The following ZNF845 variants were observed in gnomAD, a reference collection of about 807,000 sequenced individuals.
The protein encoded by ZNF845 is zinc finger protein 845.
ZNF845 carries 59 observed loss-of-function variants against 76.1 expected under a neutral mutation model. That is an observed-to-expected ratio of 0.78 (90% CI 0.63 to 0.96). The LOEUF (loss-of-function observed/expected upper bound fraction) is 0.96. Ranked by LOEUF, ZNF845 falls within the 40% of genes least tolerant of loss-of-function variation. ZNF845 has a pLI of 0.00. For missense variants in ZNF845, 1,045 were observed against 1,172.8 expected (o/e 0.89, Z 1.59); for synonymous variants, 361 against 386.9 (o/e 0.93, Z 0.78).
chr19:53,343,495 TC>T (rs1238427846), intron 2 of ZNF845, among the ~76,000 whole-genome samples: 1 of 152,036 alleles, frequency 6.6e-6, no homozygotes, highest in African/African-American at 2.4e-5. Flanking sequence ...CTGACAAGAT[TC>T]CCCCCTGCCC....
intron 2 of ZNF845, among the ~76,000 whole-genome samples, chr19:53,343,044 C>T (rs2085267895): frequency 6.6e-6 from 1 of 152,044 alleles, no homozygotes; most frequent in South Asian, 2.1e-4. Flanking sequence ...GTCTTGAACT[C>T]CTGACCTCAG....
At chr19:53,344,543 GA>G (rs989377594) in intron 2 of ZNF845, among the ~76,000 whole-genome samples, 4 of 148,466 alleles carry the variant, frequency 2.7e-5, no homozygotes, top group East Asian at 3.9e-4. Context: ...GTCTCAAAAA[GA>G]AAAAAAAAGT....
At chr19:53,334,736 C>CA (rs1555821212) in intron 1 of ZNF845, among the ~76,000 whole-genome samples, 20 of 114,222 alleles carry the variant, frequency 1.8e-4, no homozygotes, top group Admixed American at 1.4e-3. Context: ...CCCCCCCCCC[C>CA]ATCTCTGTCA....
At chr19:53,347,277 T>C (rs1180608175) in intron 3 of ZNF845, among the ~76,000 whole-genome samples, 1 of 147,764 alleles carries the variant, frequency 6.8e-6, no homozygotes, top group Non-Finnish European at 1.5e-5. Context: ...CTTTCTTTCT[T>C]TTTTTTTTTT....
chr19:53,338,071 A>G (rs1019089869), intron 1 of ZNF845, among the ~76,000 whole-genome samples: 1 of 152,032 alleles, frequency 6.6e-6, no homozygotes, highest in African/African-American at 2.4e-5. Context: ...CACAGTTCCC[A>G]TCTTGGCCAC....
At chr19:53,345,333 G>T (rs909752664) in intron 2 of ZNF845, among the ~76,000 whole-genome samples, 173 bp from the exon 3 acceptor site, 2 of 150,686 alleles carry the variant, frequency 1.3e-5, no homozygotes, top group African/African-American at 4.9e-5. Context: ...AAAAAAAAAA[G>T]AAGTGTAATA....
rs2085363308 is a variant in ZNF845 at position 53,353,664 on chromosome 19, A to G, written c.*76A>G. ...ACAGGAGAATTCATACTGGAGAGAA[A>G]GCTTACAAATGTAAGAGTTTGTGAC... On this transcript the variant is annotated 3_prime_UTR_variant, in exon 4 of 4. Coordinates refer to ENST00000458035, the MANE Select transcript of ZNF845 (RefSeq NM_138374.3). 10 of 1,520,804 alleles carry G rather than the reference A, an allele frequency of 6.6e-6. No individual in the cohort carries two copies. Among genetic ancestry groups the G allele is most frequent in the Non-Finnish European group, 7.9e-6 (9 of 1,138,152 alleles). 94.2% of individuals were successfully genotyped at this position (1,520,804 alleles called of 1,614,324 possible). A position where few individuals can be genotyped will look rare whatever the true frequency, so the allele number is the denominator to read the frequency against.
chr19:53,342,946 G>A (rs2147035596), intron 2 of ZNF845, among the ~76,000 whole-genome samples: 1 of 152,196 alleles, frequency 6.6e-6, no homozygotes, highest in Middle Eastern at 3.4e-3. Context: ...AGCGTCCCGA[G>A]TAGGTGACAT....
rs1210463285 is a variant in ZNF845 at position 53,333,756 on chromosome 19, G to T, written c.-110G>T. On this transcript the variant is annotated 5_prime_UTR_variant, in exon 1 of 4. Coordinates refer to ENST00000458035, the MANE Select transcript of ZNF845 (RefSeq NM_138374.3). ...GCGCGCGCAGATTCGCGCAAACCCG[G>T]AAGCGGATCGCATGGAGTGATGGTC... The T allele has an allele frequency of 6.2e-6, 1 of 160,110 alleles. No homozygotes were observed. The highest frequency in any genetic ancestry group is 2.4e-5 in the African/African-American group (1 of 41,590). 9.9% of individuals were successfully genotyped at this position (160,110 alleles called of 1,614,324 possible).
rs763979663 is a variant in ZNF845 at position 53,338,696 on chromosome 19, A to G, written c.-73-2539A>G. Among the ~76,000 whole-genome samples, 15 of 19,690 alleles carry G rather than the reference A, an allele frequency of 7.6e-4. 1 individual carries two copies. Among genetic ancestry groups the G allele is most frequent in the Admixed American group, 1.7e-3 (3 of 1,770 alleles). 12.9% of individuals were successfully genotyped at this position (19,690 alleles called of 152,430 possible). On this transcript the variant is annotated intron_variant, in intron 1 of 3. Transcript: ENST00000458035. ...TCCTTGCCTGTCACAACACGTGAGC[A>G]CACACACACACACACACACACACAC...
In ZNF845 at chr19:53,346,309, A is replaced by G. The variant is rs929976307; in HGVS notation, c.142+677A>G. 3 of 375,596 alleles carry G rather than the reference A, an allele frequency of 8.0e-6. No homozygotes were observed. In the Admixed American group the frequency reaches 9.8e-5, roughly 12 times the overall value. The allele number at this position is 375,596 out of a possible 1,614,324, so 23.3% of individuals were successfully genotyped here. ...ACTCCCTTCTTATTGACTTTTGTTT[A>G]TGATGGAGTCTCACTCTGTCGCCAA... On this transcript the variant is annotated intron_variant, in intron 3 of 3. Transcript: ENST00000458035.
In ZNF845 at chr19:53,355,039, AACTG is replaced by A. The variant is rs2085375229; in HGVS notation, c.*1453_*1456del. 6.6e-6 allele frequency: 1 copy of A among 151,510 alleles called. No homozygotes were observed. 9.4% of individuals were successfully genotyped at this position (151,510 alleles called of 1,614,324 possible). A position where few individuals can be genotyped will look rare whatever the true frequency, so the allele number is the denominator to read the frequency against. On this transcript the variant is annotated 3_prime_UTR_variant, in exon 4 of 4. Coordinates refer to ENST00000458035, the MANE Select transcript of ZNF845 (RefSeq NM_138374.3). ...GGTTTAAGTGATTCTCCTGCCTACT[AACTG>A]AGATTACAGGTGCCTGCCACCATGT...
Position 53,352,843 on chromosome 19 carries a change from A to C in ZNF845, c.2168A>C (p.Glu723Ala), listed in dbSNP as rs1345720838. ...HTGEKPYKCN[E>A]CGKAFSQKSS... The stretch of plus-strand genomic sequence containing the variant: ...GGAGAGAAACCTTACAAGTGTAATG[A>C]GTGTGGCAAGGCCTTCAGTCAGAAG... The change falls in exon 4 of 4, where the codon GAG becomes GCG. Residue 723 changes from glutamate (E) to alanine (A), a missense_variant. Physicochemically the swap from Glu to Ala is moderately radical, Grantham distance 107. Coordinates refer to ENST00000458035, the MANE Select transcript of ZNF845 (RefSeq NM_138374.3). 6.8e-6 allele frequency: 11 copies of C among 1,614,152 alleles called. No individual in the cohort carries two copies. Among genetic ancestry groups the C allele is most frequent in the Non-Finnish European group, 8.5e-6 (10 of 1,180,028 alleles).
intron 1 of ZNF845, among the ~76,000 whole-genome samples, chr19:53,337,762 C>T (rs894877415): frequency 2.0e-5 from 3 of 152,070 alleles, no homozygotes; most frequent in African/African-American, 7.2e-5. Context: ...GATGGAGTTT[C>T]ACCATCTTGG....
Position 53,353,582 on chromosome 19 carries a change from A to T in ZNF845, c.2907A>T (p.Lys969Asn). 2 of 1,584,316 alleles carry T rather than the reference A, an allele frequency of 1.3e-6. No individual in the cohort carries two copies. The highest frequency in any genetic ancestry group is 1.7e-6 in the Non-Finnish European group (2 of 1,164,972). Residue 969 changes from lysine to asparagine, a missense_variant, in exon 4 of 4, where the codon AAA becomes AAT. Physicochemically the swap from Lys to Asn is moderately conservative, Grantham distance 94. Coordinates refer to ENST00000458035, the MANE Select transcript of ZNF845 (RefSeq NM_138374.3). ...ARHHRIHTGKKH is the reference protein window; with the variant it reads ...ARHHRIHTGKNH ...ATCATAGAATTCATACTGGAAAGAA[A>T]CATTAGAAATATGAAGAATGTGACA...
intron 1 of ZNF845, among the ~76,000 whole-genome samples, chr19:53,335,364 G>A (rs892949263): frequency 6.6e-6 from 1 of 152,124 alleles, no homozygotes; most frequent in Non-Finnish European, 1.5e-5. Flanking sequence ...AGGCTCAAGC[G>A]ATCCTCTTAC....
chr19:53,335,954 C>T (rs2085210471), intron 1 of ZNF845, among the ~76,000 whole-genome samples: 1 of 152,056 alleles, frequency 6.6e-6, no homozygotes, highest in African/African-American at 2.4e-5. Flanking sequence ...CCTGTAATCC[C>T]AGCACTTTGG....
Position 53,353,145 on chromosome 19 carries a change from A to G in ZNF845, c.2470A>G (p.Ile824Val), listed in dbSNP as rs1470224360. 1.9e-6 allele frequency: 3 copies of G among 1,611,710 alleles called. No individual in the cohort carries two copies. The Admixed American group carries it at 5.0e-5, about 27-fold the overall frequency. ...HNSALVIHKA[I>V]HSGEKPYKCN... ...TTCAGCCCTTGTAATTCATAAGGCA[A>G]TTCATAGTGGAGAGAAACCTTACAA... Residue 824 changes from isoleucine (I) to valine (V), a missense_variant, in exon 4 of 4, where the codon ATT (isoleucine) becomes GTT (valine). By Grantham distance (29) the Ile-to-Val change is conservative. Coordinates refer to ENST00000458035, the MANE Select transcript of ZNF845 (RefSeq NM_138374.3).
Position 53,348,486 on chromosome 19 carries a change from A to G in ZNF845, c.143-2332A>G, listed in dbSNP as rs539484897. On this transcript the variant is annotated intron_variant, in intron 3 of 3. Coordinates refer to ENST00000458035, the MANE Select transcript of ZNF845 (RefSeq NM_138374.3). ...CGAGCTCTTTAATATCTCTTTTTATAAAAGCACTAGTCCTATTCATGAGTA... is the reference window on the plus strand; with the variant it reads ...CGAGCTCTTTAATATCTCTTTTTATGAAAGCACTAGTCCTATTCATGAGTA... Among the ~76,000 whole-genome samples the G allele has an allele frequency of 5.3e-5, 8 of 152,292 alleles. No homozygotes were observed. In the East Asian group the frequency reaches 1.4e-3, roughly 26 times the overall value.
Sources: allele counts gnomAD v4.1 joint callset (sites outside exome capture counted in the v4.1 genomes callset), GRCh38; gene constraint gnomAD v4.1.1; transcripts MANE v1.5; gene names NCBI Gene and HGNC (gene_info 2026-07-23, HGNC 2026-07-21).